TMEM135: variants seen among roughly 807,000 people sequenced by gnomAD.
TMEM135 encodes the protein peroxisomal membrane protein 52.
A neutral mutation model predicts 60.3 loss-of-function variants in TMEM135; 30 were observed. The ratio of observed to expected loss-of-function variants is 0.50; its 90% CI spans 0.37 to 0.68. The LOEUF is 0.68. Among genes scored for constraint, TMEM135 ranks in the 30% least tolerant of loss-of-function variants. The probability of loss-of-function intolerance (pLI) is 0.00; values close to 1 mark genes in which losing one functional copy is unlikely to be tolerated. For synonymous variants in TMEM135, 190 were observed against 186.7 expected, an observed-to-expected ratio of 1.02 and a Z score of -0.14; for missense variants, 468 against 548.8, an observed-to-expected ratio of 0.85 and a Z score of 1.47.
At chr11:87,163,639 T>C (rs939927751) in intron 5 of TMEM135, among the ~76,000 whole-genome samples, 3 of 151,914 alleles carry the variant, frequency 2.0e-5, no homozygotes, top group African/African-American at 7.3e-5. Context: ...GTTGAACTAA[T>C]TTACAGTCCC....
chr11:87,124,804 C>T (rs1276525415), intron 4 of TMEM135, among the ~76,000 whole-genome samples: 1 of 152,070 alleles, frequency 6.6e-6, no homozygotes, highest in Non-Finnish European at 1.5e-5. Flanking sequence ...TTCCTCCCTC[C>T]TTTTTCCCCT....
At chr11:87,123,142 GTT>G (rs1937629863) in intron 4 of TMEM135, among the ~76,000 whole-genome samples, 4 of 152,168 alleles carry the variant, frequency 2.6e-5, no homozygotes, top group Admixed American at 2.0e-4. Flanking sequence ...TCTTAAAACT[GTT>G]TATGTTAGTC....
chr11:87,245,047 T>G (rs79446134), intron 6 of TMEM135, among the ~76,000 whole-genome samples: 83,798 of 131,606 alleles, frequency 0.64, 27,676 homozygotes, highest in Non-Finnish European at 0.7. Context: ...TGTGGTATGT[T>G]GTATCTTTGT....
chr11:87,134,105 G>T (rs971747648), intron 4 of TMEM135, among the ~76,000 whole-genome samples: 6 of 152,088 alleles, frequency 3.9e-5, no homozygotes, highest in Non-Finnish European at 7.4e-5. Flanking sequence ...TTAAACAGCA[G>T]AGATTTATTT....
chr11:87,189,567 T>A (rs1017853418), intron 5 of TMEM135, among the ~76,000 whole-genome samples: 4 of 152,108 alleles, frequency 2.6e-5, no homozygotes, highest in African/African-American at 7.2e-5. Flanking sequence ...CACATTTGTT[T>A]GACAAAAATA....
chr11:87,200,833 G>T (rs935126673), intron 5 of TMEM135, among the ~76,000 whole-genome samples: 1 of 152,066 alleles, frequency 6.6e-6, no homozygotes, highest in Non-Finnish European at 1.5e-5. Flanking sequence ...TCATATTTTT[G>T]CCTTTTCCAA....
chr11:87,218,902 C>T (rs564603939), intron 5 of TMEM135, among the ~76,000 whole-genome samples: 3 of 152,276 alleles, frequency 2.0e-5, no homozygotes, highest in Non-Finnish European at 4.4e-5. Context: ...GCAGAGGTTG[C>T]AGTGAGCTCT....
At chr11:87,223,287 C>T (rs180780160) in intron 5 of TMEM135, among the ~76,000 whole-genome samples, 50 of 151,900 alleles carry the variant, frequency 3.3e-4, no homozygotes, top group African/African-American at 1.2e-3. Context: ...GCCTCAGCCT[C>T]CCGAGTAGCT....
intron 4 of TMEM135, among the ~76,000 whole-genome samples, chr11:87,115,258 A>G (rs1857849773): frequency 6.6e-6 from 1 of 152,218 alleles, no homozygotes; most frequent in African/African-American, 2.4e-5. Flanking sequence ...GTCCTATAGC[A>G]TATTATTAAC....
At chr11:87,192,857 G>A (rs770937597) in intron 5 of TMEM135, among the ~76,000 whole-genome samples, 1 of 152,202 alleles carries the variant, frequency 6.6e-6, no homozygotes, top group Non-Finnish European at 1.5e-5. Flanking sequence ...GCTCACGCCT[G>A]TAATTCCAGC....
At chr11:87,127,499 A>G (rs1937767908) in intron 4 of TMEM135, among the ~76,000 whole-genome samples, 1 of 152,136 alleles carries the variant, frequency 6.6e-6, no homozygotes, top group African/African-American at 2.4e-5. Context: ...ATTCTAAGTT[A>G]TGTGTGGAAT....
At position 87,325,636 on chromosome 11, in the gene TMEM135, C is replaced by A; in HGVS notation, c.*4303C>A. On this transcript the variant is annotated 3_prime_UTR_variant, in exon 15 of 15. Coordinates refer to ENST00000305494, the MANE Select transcript of TMEM135 (RefSeq NM_022918.4). ...ATTGCAACCTTTTAAGCCAGCCGTT[C>A]AAGTGAGAGGCTCTGGAGTGATCAT... 2.2e-6 allele frequency: 1 copy of A among 453,836 alleles called. No homozygotes were observed. The highest frequency in any genetic ancestry group is 4.4e-6 in the Non-Finnish European group (1 of 226,768). 28.1% of individuals were successfully genotyped at this position (453,836 alleles called of 1,614,324 possible).
chr11:87,063,144 T>A (rs552302256), intron 1 of TMEM135, among the ~76,000 whole-genome samples: 1 of 152,352 alleles, frequency 6.6e-6, no homozygotes, highest in Non-Finnish European at 1.5e-5. Flanking sequence ...AATCAGTGTA[T>A]AACATTCTAG....
At chr11:87,173,623 A>G (rs960593554) in intron 5 of TMEM135, among the ~76,000 whole-genome samples, 3 of 152,200 alleles carry the variant, frequency 2.0e-5, no homozygotes, top group African/African-American at 7.2e-5. Context: ...AAATAAGCCT[A>G]TTAGAATTAG....
intron 1 of TMEM135, among the ~76,000 whole-genome samples, chr11:87,064,656 G>A (rs1350959584): frequency 6.6e-6 from 1 of 152,220 alleles, no homozygotes; most frequent in African/African-American, 2.4e-5. Flanking sequence ...GCCGAGGTGG[G>A]CGGATCGCCT....
chr11:87,268,028 C>T (rs756097559), intron 6 of TMEM135, among the ~76,000 whole-genome samples: 6 of 151,416 alleles, frequency 4.0e-5, no homozygotes. Flanking sequence ...ATACAGTGTG[C>T]CCTAGAGTAC....
intron 6 of TMEM135, among the ~76,000 whole-genome samples, chr11:87,270,667 CT>C (rs1354288419): frequency 1.3e-5 from 2 of 152,066 alleles, no homozygotes; most frequent in African/African-American, 4.8e-5. Flanking sequence ...CTAAGTAAGA[CT>C]TTTTGTAGCT....
At chr11:87,086,926 G>A (rs1010496749) in intron 3 of TMEM135, among the ~76,000 whole-genome samples, 1 of 152,152 alleles carries the variant, frequency 6.6e-6, no homozygotes, top group Admixed American at 6.6e-5. Context: ...CCCTTCTGAA[G>A]AGGTACCTCT....
intron 5 of TMEM135, among the ~76,000 whole-genome samples, chr11:87,203,969 TTTC>T (rs1462956591): frequency 6.6e-6 from 1 of 152,168 alleles, no homozygotes; most frequent in Admixed American, 6.5e-5. Context: ...TATCATTTCT[TTTC>T]TTTTCTCCAC....
Sources: gnomAD v4.1 joint callset for allele counts (sites outside exome capture counted in the v4.1 genomes callset) on GRCh38, gnomAD v4.1.1 for gene constraint, MANE v1.5 for transcripts, NCBI Gene and HGNC (gene_info 2026-07-23, HGNC 2026-07-21) for gene names.